The following ASTN1 variants were observed in gnomAD, a reference collection of about 807,000 sequenced individuals.
ASTN1 encodes the protein astrotactin 1, also known as astrotactin-1.
ASTN1 carries 41 observed loss-of-function variants against 140.7 expected under a neutral mutation model. That is an observed-to-expected ratio of 0.29 (90% confidence interval 0.23 to 0.38). The LOEUF is 0.38. ASTN1 is among the 10% of genes least tolerant of loss of function. The pLI is 1.00. For synonymous variants in ASTN1, 640 were observed against 652.2 expected (o/e 0.98, Z 0.29); for missense variants, 1,479 against 1,678.8 (o/e 0.88, Z 2.08).
At position 176,888,166 on chromosome 1, in the gene ASTN1, T is replaced by C; in HGVS notation, c.2979A>G (p.Ser993=). The stretch of plus-strand genomic sequence containing the variant: ...AGTCCTCGATGACATCTCCAGTCCC[T>C]GAGCACCAGAGAGAGCTCATGGTAG... ...QEATMSSLWC[S]GTGDVIEDWC... is the part of the protein sequence containing the mutation. The change falls in exon 18 of 23, where the codon TCA becomes TCG. Residue 993 remains serine (S), a synonymous_variant. Transcript: ENST00000361833. The C allele has an allele frequency of 1.9e-6, 3 of 1,614,094 alleles. No homozygotes were observed. In the South Asian group the frequency reaches 3.3e-5, roughly 18 times the overall value.
intron 2 of ASTN1, among the ~76,000 whole-genome samples, chr1:177,033,094 G>A (rs1041300051): frequency 3.3e-5 from 5 of 150,462 alleles, no homozygotes; most frequent in African/African-American, 1.2e-4. Context: ...AGTTGCTTCG[G>A]GCTTAGCAAA....
At position 176,861,480 on chromosome 1, in the gene ASTN1, C is replaced by T. The variant is rs769775933; in HGVS notation, c.*2804G>A. 1.2e-5 allele frequency: 12 copies of T among 985,828 alleles called. No homozygotes were observed. The highest frequency in any genetic ancestry group is 1.4e-5 in the Non-Finnish European group (12 of 829,942). 61.1% of individuals were successfully genotyped at this position (985,828 alleles called of 1,614,324 possible). The stretch of plus-strand genomic sequence containing the variant: ...GTTGAATACCGGTCCAGTACCATCA[C>T]CCTTTCTAGCCAGGATGGGTTCCTT... On this transcript the variant is annotated 3_prime_UTR_variant, in exon 23 of 23. Transcript: ENST00000361833.
intron 16 of ASTN1, among the ~76,000 whole-genome samples, chr1:176,917,305 A>G (rs1557958350): frequency 6.6e-6 from 1 of 152,214 alleles, no homozygotes; most frequent in Non-Finnish European, 1.5e-5. Flanking sequence ...ACGTAGCTGT[A>G]GGTATGTGTG....
rs568806487 is a variant in ASTN1, at chr1:176,887,090, C to T, written c.3074+981G>A. Among the ~76,000 whole-genome samples the T allele has an allele frequency of 3.9e-5, 6 of 152,302 alleles. No individual in the cohort carries two copies. In the East Asian group the frequency reaches 1.2e-3, roughly 29 times the overall value. On this transcript the variant is annotated intron_variant, in intron 18 of 22. Coordinates refer to ENST00000361833, the MANE Select transcript of ASTN1 (RefSeq NM_004319.3). ...ATCCTCTTCACCCCTCAAATGCAGACTCTCCTATTGTTCATCCCCAGCCCT... is the reference window on the plus strand; with the variant it reads ...ATCCTCTTCACCCCTCAAATGCAGATTCTCCTATTGTTCATCCCCAGCCCT...
chr1:176,862,435 C>G lies in ASTN1; in HGVS notation c.*1849G>C, dbSNP rs575114569. 7.7e-5 allele frequency: 76 copies of G among 985,366 alleles called. No individual in the cohort carries two copies. The African/African-American group carries it at 1.2e-3, about 16-fold the overall frequency. 61.0% of individuals were successfully genotyped at this position (985,366 alleles called of 1,614,324 possible). A position where few individuals can be genotyped will look rare whatever the true frequency, so the allele number is the denominator to read the frequency against. ...CAAAGGCTAAGGGCGTACTTTCGCC[C>G]CTCCTCCTTCCACTGCACAGAGGAC... On this transcript the variant is annotated 3_prime_UTR_variant, in exon 23 of 23. Coordinates refer to ENST00000361833, the MANE Select transcript of ASTN1 (RefSeq NM_004319.3).
At chr1:177,160,538 T>C (rs1205531000) in intron 1 of ASTN1, among the ~76,000 whole-genome samples, 1 of 152,200 alleles carries the variant, frequency 6.6e-6, no homozygotes, top group African/African-American at 2.4e-5. Flanking sequence ...TTGGGTGAAA[T>C]AGAAGGGTTT....
intron 1 of ASTN1, among the ~76,000 whole-genome samples, chr1:177,134,497 C>G (rs1682088176): frequency 6.6e-6 from 1 of 152,172 alleles, no homozygotes; most frequent in Admixed American, 6.5e-5. Context: ...CACCAACCCA[C>G]TGGAGTGGAC....
chr1:177,086,169 G>A (rs990524281), intron 1 of ASTN1, among the ~76,000 whole-genome samples: 1 of 151,934 alleles, frequency 6.6e-6, no homozygotes, highest in African/African-American at 2.4e-5. Flanking sequence ...TAGCAGAGAA[G>A]CCCTCTCTCT....
Position 177,147,157 on chromosome 1 carries a change from T to C in ASTN1, c.283+17237A>G, listed in dbSNP as rs142952511. ...TTCCCACTACTGTTTTGCACCATGATTGTAAATACCAATTCAGTGAAAAAG... is the reference window on the plus strand; with the variant it reads ...TTCCCACTACTGTTTTGCACCATGACTGTAAATACCAATTCAGTGAAAAAG... On this transcript the variant is annotated intron_variant, in intron 1 of 22. Transcript: ENST00000361833. Among the ~76,000 whole-genome samples the C allele has an allele frequency of 3.9e-5, 6 of 152,302 alleles. No individual in the cohort carries two copies. The East Asian group carries it at 9.7e-4, about 25-fold the overall frequency.
At chr1:177,089,015 C>T (rs1679610763) in intron 1 of ASTN1, among the ~76,000 whole-genome samples, 1 of 152,192 alleles carries the variant, frequency 6.6e-6, no homozygotes, top group South Asian at 2.1e-4. Context: ...TCCTCTCTCT[C>T]TTCCCAGCAC....
chr1:176,935,761 T>TTCTCTC (rs879671358), intron 15 of ASTN1, among the ~76,000 whole-genome samples: 47 of 148,864 alleles, frequency 3.2e-4, no homozygotes, highest in Middle Eastern at 3.5e-3. Flanking sequence ...CTCTCTCTCT[T>TTCTCTC]TCTCTCTCTC....
chr1:176,872,552 T>A (rs1369310688), intron 21 of ASTN1, among the ~76,000 whole-genome samples: 1 of 152,224 alleles, frequency 6.6e-6, no homozygotes, highest in Non-Finnish European at 1.5e-5. Flanking sequence ...ATGTAGAGCA[T>A]GAGAGCAGGC....
chr1:176,966,022 T>C (rs1019165569), intron 8 of ASTN1, among the ~76,000 whole-genome samples: 2 of 152,204 alleles, frequency 1.3e-5, no homozygotes, highest in Admixed American at 1.3e-4. Context: ...CTAACCCAGA[T>C]CTCTAAGCCC....
chr1:176,982,479 T>A (rs1004082509), intron 8 of ASTN1, among the ~76,000 whole-genome samples: 1 of 152,154 alleles, frequency 6.6e-6, no homozygotes, highest in South Asian at 2.1e-4. Flanking sequence ...AATGTCTGAT[T>A]CAGTAGGTCT....
chr1:177,075,957 A>C (rs1210944161), intron 1 of ASTN1, among the ~76,000 whole-genome samples: 2 of 152,082 alleles, frequency 1.3e-5, no homozygotes. Context: ...TTTTGATCTC[A>C]TGTGAGAGAT....
At chr1:177,151,673 C>T (rs1683041652) in intron 1 of ASTN1, among the ~76,000 whole-genome samples, 1 of 152,178 alleles carries the variant, frequency 6.6e-6, no homozygotes, top group South Asian at 2.1e-4. Context: ...CTTTAAGTCA[C>T]TTCCTAAGAA....
intron 18 of ASTN1, 63 bp from the exon 19 acceptor site, chr1:176,884,553 C>G: frequency 6.5e-7 from 1 of 1,531,290 alleles, no homozygotes; most frequent in South Asian, 1.2e-5. Flanking sequence ...TGGGCACTGA[C>G]TACCTCAATT....
At chr1:176,912,492 G>C (rs1670289357) in intron 16 of ASTN1, among the ~76,000 whole-genome samples, 1 of 152,294 alleles carries the variant, frequency 6.6e-6, no homozygotes, top group African/African-American at 2.4e-5. Flanking sequence ...TAGCAGACCA[G>C]ATTTGCCTGC....
intron 16 of ASTN1, among the ~76,000 whole-genome samples, chr1:176,907,342 T>C (rs1384458907): frequency 6.6e-6 from 1 of 152,202 alleles, no homozygotes; most frequent in East Asian, 1.9e-4. Flanking sequence ...GGGGGGAATA[T>C]ACTCCTTAGG....
Sources: allele counts gnomAD v4.1 joint callset (sites outside exome capture counted in the v4.1 genomes callset), GRCh38; gene constraint gnomAD v4.1.1; transcripts MANE v1.5; gene names NCBI Gene and HGNC (gene_info 2026-07-23, HGNC 2026-07-21).